The following ST6GALNAC3 variants were observed in gnomAD, a reference collection of about 807,000 sequenced individuals.
ST6GALNAC3 encodes alpha-N-acetylgalactosaminide alpha-2,6-sialyltransferase 3.
A neutral mutation model predicts 32.7 loss-of-function variants in ST6GALNAC3; 25 were observed. The ratio of observed to expected loss-of-function variants is 0.76; its 90% confidence interval spans 0.56 to 1.07. The LOEUF is 1.07. Ranked by LOEUF, ST6GALNAC3 falls within the 50% of genes least tolerant of loss-of-function variation. The pLI is 0.00. For synonymous variants in ST6GALNAC3, 129 were observed against 133.1 expected, an observed-to-expected ratio of 0.97 and a Z score of 0.21; for missense variants, 355 against 382.4, an observed-to-expected ratio of 0.93 and a Z score of 0.60.
intron 1 of ST6GALNAC3, among the ~76,000 whole-genome samples, chr1:76,263,254 G>A (rs1349386154): frequency 6.6e-6 from 1 of 152,146 alleles, no homozygotes; most frequent in Non-Finnish European, 1.5e-5. Context: ...GATGGTCCTT[G>A]TAAGATACTA....
At chr1:76,433,363 C>T (rs1655908360) in intron 3 of ST6GALNAC3, among the ~76,000 whole-genome samples, 1 of 152,020 alleles carries the variant, frequency 6.6e-6, no homozygotes, top group South Asian at 2.1e-4. Flanking sequence ...TGCTCTGTAA[C>T]GTGAGTGTGC....
chr1:76,158,025 T>C (rs1308390115), intron 1 of ST6GALNAC3, among the ~76,000 whole-genome samples: 1 of 152,170 alleles, frequency 6.6e-6, no homozygotes, highest in East Asian at 1.9e-4. Context: ...ACTCTGAAAC[T>C]CCCCACTATG....
intron 1 of ST6GALNAC3, among the ~76,000 whole-genome samples, chr1:76,175,785 A>G (rs1338928292): frequency 6.9e-6 from 1 of 145,280 alleles, no homozygotes; most frequent in Non-Finnish European, 1.5e-5. Context: ...GGGGCAGACC[A>G]TTTGTCCTAT....
rs1205064526 is a variant in ST6GALNAC3, at chr1:76,119,883, A to G, written c.18+44999A>G. Among the ~76,000 whole-genome samples the G allele has an allele frequency of 2.6e-5, 3 of 114,838 alleles. No homozygotes were observed. The East Asian group carries it at 7.7e-4, about 29-fold the overall frequency. 75.3% of individuals were successfully genotyped at this position (114,838 alleles called of 152,430 possible). A position where few individuals can be genotyped will look rare whatever the true frequency, so the allele number is the denominator to read the frequency against. Reference sequence around the variant, plus strand: ...GGTCCTTAACTGGCAGGTCCGTGGGACTGTAAAGCCTCAGGAAGAGCAATT... The same window carrying G: ...GGTCCTTAACTGGCAGGTCCGTGGGGCTGTAAAGCCTCAGGAAGAGCAATT... On this transcript the variant is annotated intron_variant, in intron 1 of 4. Transcript: ENST00000328299.
intron 2 of ST6GALNAC3, among the ~76,000 whole-genome samples, chr1:76,395,648 G>C: frequency 6.6e-6 from 1 of 152,006 alleles, no homozygotes; most frequent in East Asian, 1.9e-4. Context: ...CCTTAAAAAA[G>C]AATCAGATCC....
chr1:76,300,040 C>CTACA (rs1330072046), intron 1 of ST6GALNAC3, among the ~76,000 whole-genome samples: 4 of 151,960 alleles, frequency 2.6e-5, no homozygotes, highest in African/African-American at 9.7e-5. Context: ...CAGTGTTCAT[C>CTACA]TACATATTGG....
At chr1:76,103,558 T>A (rs1430771732) in intron 1 of ST6GALNAC3, among the ~76,000 whole-genome samples, 1 of 152,214 alleles carries the variant, frequency 6.6e-6, no homozygotes, top group African/African-American at 2.4e-5. Flanking sequence ...TTTTATGAGT[T>A]CCATAGGATG....
intron 2 of ST6GALNAC3, among the ~76,000 whole-genome samples, chr1:76,371,246 G>A (rs753184354): frequency 5.3e-5 from 8 of 152,124 alleles, no homozygotes; most frequent in Non-Finnish European, 7.4e-5. Context: ...GGAATTCCAG[G>A]CCAAGAAAGC....
chr1:76,389,778 C>T (rs1374439131), intron 2 of ST6GALNAC3, among the ~76,000 whole-genome samples: 2 of 152,090 alleles, frequency 1.3e-5, no homozygotes, highest in African/African-American at 2.4e-5. Context: ...TTGTGTTGGA[C>T]ACAATTTATC....
At chr1:76,395,106 A>G (rs538253408) in intron 2 of ST6GALNAC3, among the ~76,000 whole-genome samples, 5 of 152,182 alleles carry the variant, frequency 3.3e-5, no homozygotes, top group African/African-American at 1.2e-4. Context: ...CTACTGCTCT[A>G]TCAAAATTAT....
rs575247662 is a variant in ST6GALNAC3 at position 76,285,873 on chromosome 1, C to G, written c.19-27932C>G. 7.9e-5 allele frequency among the ~76,000 whole-genome samples: 12 copies of G among 152,216 alleles called. 1 individual carries two copies. In the South Asian group the frequency reaches 2.3e-3, roughly 29 times the overall value. ...GGAGATGAAAACAGACACACATGCC[C>G]ACACACAAAGAGAGAAACAGGCAGA... On this transcript the variant is annotated intron_variant, in intron 1 of 4. Coordinates refer to ENST00000328299, the MANE Select transcript of ST6GALNAC3 (RefSeq NM_152996.4).
chr1:76,514,451 A>G (rs2101767312), intron 3 of ST6GALNAC3, among the ~76,000 whole-genome samples: 2 of 152,194 alleles, frequency 1.3e-5, no homozygotes, highest in African/African-American at 4.8e-5. Flanking sequence ...AGTGGGGCCT[A>G]GTGGTAGGGG....
At chr1:76,367,656 A>G (rs946740850) in intron 2 of ST6GALNAC3, among the ~76,000 whole-genome samples, 5 of 152,172 alleles carry the variant, frequency 3.3e-5, no homozygotes, top group Non-Finnish European at 5.9e-5. Context: ...CAATCAAGCA[A>G]TGATGATATG....
At chr1:76,184,634 T>C (rs1457042084) in intron 1 of ST6GALNAC3, among the ~76,000 whole-genome samples, 1 of 151,158 alleles carries the variant, frequency 6.6e-6, no homozygotes, top group Non-Finnish European at 1.5e-5. Flanking sequence ...CAGTACAAAA[T>C]TGAGCATTGG....
intron 2 of ST6GALNAC3, among the ~76,000 whole-genome samples, chr1:76,409,193 C>T (rs1654041503): frequency 6.6e-6 from 1 of 152,116 alleles, no homozygotes; most frequent in African/African-American, 2.4e-5. Context: ...TCCTAATACA[C>T]TCATTCACCT....
At chr1:76,300,801 G>A (rs1660683402) in intron 1 of ST6GALNAC3, among the ~76,000 whole-genome samples, 1 of 151,986 alleles carries the variant, frequency 6.6e-6, no homozygotes, top group Admixed American at 6.6e-5. Flanking sequence ...ATTGCTACAG[G>A]ATGTGAAGTG....
intron 2 of ST6GALNAC3, among the ~76,000 whole-genome samples, chr1:76,406,206 A>G (rs1181794646): frequency 6.6e-6 from 1 of 152,074 alleles, no homozygotes; most frequent in Non-Finnish European, 1.5e-5. Flanking sequence ...ACAGTCTTCA[A>G]TGAACATTGA....
At chr1:76,622,210 A>T (rs1433037733) in intron 3 of ST6GALNAC3, among the ~76,000 whole-genome samples, 1 of 151,960 alleles carries the variant, frequency 6.6e-6, no homozygotes, top group African/African-American at 2.4e-5. Flanking sequence ...TTAACCATAG[A>T]TACTGTGGCT....
chr1:76,174,692 A>C (rs1352797692), intron 1 of ST6GALNAC3, among the ~76,000 whole-genome samples: 1 of 126,874 alleles, frequency 7.9e-6, no homozygotes, highest in Non-Finnish European at 1.6e-5. Context: ...TTTGAGATGG[A>C]GTCTCTCTCT....
Sources: gnomAD v4.1 joint callset for allele counts (sites outside exome capture counted in the v4.1 genomes callset) on GRCh38, gnomAD v4.1.1 for gene constraint, MANE v1.5 for transcripts, NCBI Gene and HGNC (gene_info 2026-07-23, HGNC 2026-07-21) for gene names.